Variants in FBLN7 observed in about 807,000 individuals in gnomAD.
FBLN7 encodes the protein fibulin 7.
A neutral mutation model predicts 44.0 loss-of-function variants in FBLN7; 31 were observed. The ratio of observed to expected loss-of-function variants is 0.70; its 90% CI spans 0.53 to 0.95. FBLN7 has a LOEUF of 0.95. FBLN7 is among the 40% of genes least tolerant of loss of function. The probability of loss-of-function intolerance (pLI) is 0.00; values close to 1 mark genes in which losing one functional copy is unlikely to be tolerated. For synonymous variants in FBLN7, 262 were observed against 253.4 expected (o/e 1.03, Z -0.32); for missense variants, 573 against 618.5 (o/e 0.93, Z 0.78).
the FBLN7 span, among the ~76,000 whole-genome samples, chr2:112,225,881 A>G: frequency 6.6e-6 from 1 of 152,082 alleles, no homozygotes; most frequent in Non-Finnish European, 1.5e-5. Context: ...CAGGAGCTCA[A>G]GACCAGCCTG....
Position 112,187,630 on chromosome 2 carries a change from C to A in FBLN7, c.*124C>A. ...CCGCCCTCTCACCAGTGCACCCAGG[C>A]TTCTAGGGCAGCGTTGCACGGCGCC... On this transcript the variant is annotated 3_prime_UTR_variant, in exon 8 of 8. Coordinates refer to ENST00000331203, the MANE Select transcript of FBLN7 (RefSeq NM_153214.3). This position sits in a 1 kb window ranked among gnomAD's most constrained non-coding sequence, Gnocchi z 5.1. 1 of 1,367,906 alleles carries A rather than the reference C, an allele frequency of 7.3e-7. No homozygotes were observed. Among genetic ancestry groups the A allele is most frequent in the Non-Finnish European group, 1.0e-6 (1 of 1,002,294 alleles). The allele number at this position is 1,367,906 out of a possible 1,614,324, so 84.7% of individuals were successfully genotyped here.
chr2:112,235,821 A>G, the FBLN7 span, among the ~76,000 whole-genome samples: 1 of 151,864 alleles, frequency 6.6e-6, no homozygotes, highest in Non-Finnish European at 1.5e-5. Flanking sequence ...GGGAGCCAGG[A>G]TGAGGGACTT....
chr2:112,187,188 C>T lies in FBLN7; in HGVS notation c.1002C>T (p.Pro334=). The T allele has an allele frequency of 6.2e-7, 1 of 1,614,062 alleles. No individual in the cohort carries two copies. Among genetic ancestry groups the T allele is most frequent in the Non-Finnish European group, 8.5e-7 (1 of 1,180,016 alleles). Residue 334 remains proline, a synonymous_variant, in exon 8 of 8, where the codon CCC becomes CCT. Coordinates refer to ENST00000331203, the MANE Select transcript of FBLN7 (RefSeq NM_153214.3). The surrounding 1 kb of genome is among the most constrained non-coding windows in gnomAD (Gnocchi z 5.1). ...ACAGCAGGCCCTGCCGCCATCTGCC[C>T]AAGACCATCTCCTTCCATTACCTCT... ...PMDSRPCRHL[P]KTISFHYLSL...
At chr2:112,174,581 T>C (rs1682641560) in intron 3 of FBLN7, among the ~76,000 whole-genome samples, 1 of 152,228 alleles carries the variant, frequency 6.6e-6, no homozygotes, top group Non-Finnish European at 1.5e-5. Flanking sequence ...CCGAAGATAA[T>C]GTGGTCAAGT....
At chr2:112,190,825 G>C (rs1212249790), downstream of FBLN7, among the ~76,000 whole-genome samples, 1 of 152,194 alleles carries the variant, frequency 6.6e-6, no homozygotes, top group Non-Finnish European at 1.5e-5. Context: ...TGCTCAGAGT[G>C]CTCATTGGTA....
At chr2:112,233,400 C>T in the FBLN7 span, 1 of 1,394,224 alleles carries the variant, frequency 7.2e-7, no homozygotes, top group Non-Finnish European at 9.9e-7. Flanking sequence ...CAAGGAAAAG[C>T]CATTATTTCT....
intron 1 of FBLN7, among the ~76,000 whole-genome samples, chr2:112,143,116 A>G (rs762558631): frequency 1.3e-5 from 2 of 152,068 alleles, no homozygotes; most frequent in Admixed American, 6.5e-5. Context: ...CATCTGTCCC[A>G]AGTCACTTTG....
intron 3 of FBLN7, 44 bp downstream of exon 3, chr2:112,165,215 G>T (rs765107307): frequency 3.1e-5 from 49 of 1,574,954 alleles, no homozygotes; most frequent in Non-Finnish European, 4.2e-5. Flanking sequence ...ACCCATCACA[G>T]TATAGCAAGG....
the FBLN7 span, chr2:112,238,249 C>A: frequency 2.7e-6 from 4 of 1,486,456 alleles, no homozygotes; most frequent in Non-Finnish European, 3.7e-6. Flanking sequence ...ATCCTCTGTC[C>A]GTATATGGAC....
Position 112,172,008 on chromosome 2 carries a change from A to C in FBLN7, c.407-3706A>C, listed in dbSNP as rs148052540. The stretch of plus-strand genomic sequence containing the variant: ...ATGATCCGCCTGCCTCGGCCTCCCA[A>C]AGTGCTAGGATTACAGGCGGCGCTA... On this transcript the variant is annotated intron_variant, in intron 3 of 7. Coordinates refer to ENST00000331203, the MANE Select transcript of FBLN7 (RefSeq NM_153214.3). 5.9e-3 allele frequency among the ~76,000 whole-genome samples: 896 copies of C among 152,268 alleles called. 6 individuals carry two copies. The highest frequency in any genetic ancestry group is 9.9e-3 in the Non-Finnish European group (673 of 68,004).
At chr2:112,162,712 T>C (rs756645141) in intron 2 of FBLN7, among the ~76,000 whole-genome samples, 5 of 152,162 alleles carry the variant, frequency 3.3e-5, no homozygotes, top group Non-Finnish European at 5.9e-5. Flanking sequence ...TTTAATTAAT[T>C]TGTATCCATT....
chr2:112,223,502 T>C, the FBLN7 span, among the ~76,000 whole-genome samples: 38 of 152,316 alleles, frequency 2.5e-4, no homozygotes, highest in African/African-American at 8.9e-4. Context: ...TGTTTTTCCA[T>C]GATAATTCTT....
chr2:112,226,504 G>T, the FBLN7 span, among the ~76,000 whole-genome samples: 2 of 150,280 alleles, frequency 1.3e-5, no homozygotes, highest in Non-Finnish European at 3.0e-5. Context: ...CAGGAGAATG[G>T]TGTGAACCCG....
chr2:112,166,661 C>T (rs1682177326), intron 3 of FBLN7, among the ~76,000 whole-genome samples: 1 of 152,218 alleles, frequency 6.6e-6, no homozygotes, highest in Admixed American at 6.5e-5. Flanking sequence ...GGTTAAGCAC[C>T]TCCTGGGTGA....
chr2:112,159,015 T>C (rs1681580121), intron 1 of FBLN7, among the ~76,000 whole-genome samples: 1 of 152,162 alleles, frequency 6.6e-6, no homozygotes, highest in Admixed American at 6.5e-5. Flanking sequence ...TGTGAGGAAA[T>C]AAGTTTCTGT....
the FBLN7 span, among the ~76,000 whole-genome samples, chr2:112,242,789 A>G: frequency 5.3e-5 from 8 of 152,354 alleles, no homozygotes; most frequent in South Asian, 2.1e-4. Context: ...CTCTCTTCTG[A>G]TTAAAATTAT....
chr2:112,195,120 C>T, the FBLN7 span, among the ~76,000 whole-genome samples: 3 of 152,220 alleles, frequency 2.0e-5, no homozygotes, highest in African/African-American at 7.2e-5. Context: ...TCCAACAAAA[C>T]ACAGCATTGG....
the FBLN7 span, among the ~76,000 whole-genome samples, chr2:112,236,120 C>T: frequency 6.6e-6 from 1 of 151,712 alleles, no homozygotes; most frequent in Non-Finnish European, 1.5e-5. Flanking sequence ...AAAAATTAGC[C>T]GGGCATGGTG....
chr2:112,159,447 G>A lies in FBLN7; in HGVS notation c.76-229G>A, dbSNP rs559707090. On this transcript the variant is annotated intron_variant, in intron 1 of 7. Transcript: ENST00000331203. Reference sequence around the variant, plus strand: ...GTTCAAATAACTGTTCATCCACCCGGTCATTTAGAGTCATCCGTCCTGCCT... The same window carrying A: ...GTTCAAATAACTGTTCATCCACCCGATCATTTAGAGTCATCCGTCCTGCCT... Among the ~76,000 whole-genome samples the A allele has an allele frequency of 3.3e-5, 5 of 152,270 alleles. No homozygotes were observed. In the East Asian group the frequency reaches 9.6e-4, roughly 29 times the overall value.
Sources: allele counts gnomAD v4.1 joint callset (sites outside exome capture counted in the v4.1 genomes callset), GRCh38; gene constraint gnomAD v4.1.1; non-coding constraint Gnocchi (gnomAD v3.1); transcripts MANE v1.5; gene names NCBI Gene and HGNC (gene_info 2026-07-23, HGNC 2026-07-21).